DNAH12: variants seen among roughly 807,000 people sequenced by gnomAD.
DNAH12 encodes the protein axonemal beta dynein heavy chain 12.
Under a neutral mutation model 371.5 loss-of-function variants are expected in DNAH12, and 285 were observed. The observed-to-expected ratio is 0.77, with a 90% confidence interval of 0.70 to 0.85. The LOEUF (loss-of-function observed/expected upper bound fraction) is 0.85. DNAH12 is among the 40% of genes least tolerant of loss of function. The pLI is 0.00. For missense variants in DNAH12, 3,611 were observed against 3,689.4 expected (o/e 0.98, Z 0.55); for synonymous variants, 1,200 against 1,213.0 (o/e 0.99, Z 0.22).
At chr3:57,332,014 C>A (rs2062110285) in intron 62 of DNAH12, among the ~76,000 whole-genome samples, 2 of 152,118 alleles carry the variant, frequency 1.3e-5, no homozygotes, top group African/African-American at 4.8e-5. Context: ...GTAATTTCCC[C>A]CCACCCTGCT....
chr3:57,519,667 T>C, intron 4 of DNAH12: 1 of 1,568,488 alleles, frequency 6.4e-7, no homozygotes, highest in Non-Finnish European at 8.8e-7. Context: ...TTCTAACCGC[T>C]CTCATTTGCC....
intron 60 of DNAH12, among the ~76,000 whole-genome samples, chr3:57,339,652 T>C (rs1411895447): frequency 6.6e-6 from 1 of 152,012 alleles, no homozygotes; most frequent in Admixed American, 6.6e-5. Context: ...TGAACTAATA[T>C]TAAGTATCTT....
chr3:57,321,295 G>A (rs897955932), intron 65 of DNAH12, among the ~76,000 whole-genome samples: 4 of 151,910 alleles, frequency 2.6e-5, no homozygotes, highest in Non-Finnish European at 4.4e-5. Context: ...GCAGAACTAG[G>A]GTACACAGAA....
At chr3:57,453,588 CTT>C (rs1202806297) in intron 23 of DNAH12, among the ~76,000 whole-genome samples, 185 bp from the exon 24 acceptor site, 3 of 145,682 alleles carry the variant, frequency 2.1e-5, no homozygotes, top group African/African-American at 7.5e-5. Context: ...GGAGGATCTT[CTT>C]TTTTTTTTTT....
rs1347265590 is a variant in DNAH12 at position 57,433,791 on chromosome 3, T to C, written c.4693A>G (p.Lys1565Glu). Residue 1565 changes from lysine (K) to glutamate (E), a missense_variant, in exon 31 of 74, where the codon AAA becomes GAA. Transcript: ENST00000495027. ...GTATCCGCCAGCACATGCAGAACTTTTGTCTTAGCAGCAAAAGGCTCTCCT... is the reference window on the plus strand; with the variant it reads ...GTATCCGCCAGCACATGCAGAACTTCTGTCTTAGCAGCAAAAGGCTCTCCT... Reference protein sequence around the residue: ...LVGEPFAAKTKVLHVLADTLT... With the variant: ...LVGEPFAAKTEVLHVLADTLT... The C allele has an allele frequency of 1.3e-6, 2 of 1,548,098 alleles. No individual in the cohort carries two copies. The highest frequency in any genetic ancestry group is 2.0e-5 in the Admixed American group (1 of 50,240).
intron 9 of DNAH12, 126 bp from the exon 10 acceptor site, chr3:57,502,605 A>G: frequency 2.0e-6 from 2 of 994,314 alleles, no homozygotes; most frequent in African/African-American, 1.6e-5. Flanking sequence ...GTTGGAGCGC[A>G]TTGGTGCGAT....
chr3:57,389,424 G>A (rs1259153944), intron 45 of DNAH12, among the ~76,000 whole-genome samples: 5 of 152,102 alleles, frequency 3.3e-5, no homozygotes, highest in Admixed American at 3.3e-4. Flanking sequence ...ATACCCAGAA[G>A]TAGGGTATTT....
At chr3:57,526,474 A>T (rs1489497744) in intron 2 of DNAH12, among the ~76,000 whole-genome samples, 1 of 150,348 alleles carries the variant, frequency 6.7e-6, no homozygotes, top group East Asian at 1.9e-4. Flanking sequence ...TGGCTACTCC[A>T]TAGACAGAGC....
chr3:57,293,956 A>AGC lies in DNAH12; in HGVS notation c.11707_11708insGC (p.Ile3903SerfsTer3). 1 of 1,409,130 alleles carries AGC rather than the reference A, an allele frequency of 7.1e-7. No homozygotes were observed. The highest frequency in any genetic ancestry group is 9.3e-7 in the Non-Finnish European group (1 of 1,072,106). 87.3% of individuals were successfully genotyped at this position (1,409,130 alleles called of 1,614,324 possible). On this transcript the variant is annotated frameshift_variant, in exon 74 of 74. Transcript: ENST00000495027. LOFTEE classifies it high-confidence loss of function. ...ACAGACATAGGCATCCGACTTTATA[A>AGC]TCCGAGATTTTTGAGCTTGAAAAAA... is the stretch of plus-strand genomic sequence containing the variant.
the DNAH12 span, among the ~76,000 whole-genome samples, chr3:57,555,998 T>G: frequency 6.6e-6 from 1 of 152,160 alleles, no homozygotes; most frequent in East Asian, 1.9e-4. Context: ...CCAAGACAGG[T>G]GTCCACCTCC....
intron 32 of DNAH12, among the ~76,000 whole-genome samples, chr3:57,432,336 AT>A (rs35536105): frequency 0.15 from 20,138 of 137,720 alleles, 1,398 homozygotes; most frequent in South Asian, 0.21. Flanking sequence ...CACCCAGCTA[AT>A]TTTTTTTTTT....
chr3:57,468,691 G>T, intron 17 of DNAH12, 45 bp downstream of exon 17: 1 of 1,162,618 alleles, frequency 8.6e-7, no homozygotes. Context: ...CAGAAAAGTT[G>T]AGAAGATAGC....
At chr3:57,343,598 G>A (rs1553656962) in intron 60 of DNAH12, among the ~76,000 whole-genome samples, 1 of 152,230 alleles carries the variant, frequency 6.6e-6, no homozygotes, top group Non-Finnish European at 1.5e-5. Flanking sequence ...CTTGTGGGAT[G>A]AGAAAGACCT....
At chr3:57,482,720 C>G (rs1384583480) in intron 13 of DNAH12, among the ~76,000 whole-genome samples, 5 of 151,996 alleles carry the variant, frequency 3.3e-5, no homozygotes, top group African/African-American at 1.2e-4. Context: ...GGCACATATA[C>G]ACCATGGAAT....
intron 40 of DNAH12, among the ~76,000 whole-genome samples, chr3:57,406,439 T>C (rs938180829): frequency 6.6e-6 from 1 of 152,062 alleles, no homozygotes; most frequent in African/African-American, 2.4e-5. Context: ...TATATGTTTA[T>C]TTTGGCTTAT....
intron 17 of DNAH12, among the ~76,000 whole-genome samples, chr3:57,463,978 C>T (rs2066128666): frequency 6.6e-6 from 1 of 151,936 alleles, no homozygotes; most frequent in Admixed American, 6.6e-5. Context: ...GATGAGCAGA[C>T]AGTAAGAGAA....
At chr3:57,520,029 A>C in intron 4 of DNAH12, 1 of 698,964 alleles carries the variant, frequency 1.4e-6, no homozygotes, top group Non-Finnish European at 2.5e-6. Context: ...CGCGGAGCCG[A>C]TGGCCGACGT....
intron 2 of DNAH12, among the ~76,000 whole-genome samples, chr3:57,535,840 A>AT (rs11392001): frequency 0.24 from 31,330 of 131,096 alleles, 4,318 homozygotes; most frequent in African/African-American, 0.4. Flanking sequence ...CCACACCCCA[A>AT]TTTTTTTTTT....
chr3:57,321,366 A>G (rs2153291099), intron 65 of DNAH12, among the ~76,000 whole-genome samples: 1 of 152,334 alleles, frequency 6.6e-6, no homozygotes, highest in South Asian at 2.1e-4. Context: ...TTTTACCTTC[A>G]ATATCATTTT....
Sources: allele counts gnomAD v4.1 joint callset (sites outside exome capture counted in the v4.1 genomes callset), GRCh38; gene constraint gnomAD v4.1.1; transcripts MANE v1.5; gene names NCBI Gene and HGNC (gene_info 2026-07-23, HGNC 2026-07-21).